LIN54: variants seen among roughly 807,000 people sequenced by gnomAD.
The protein encoded by LIN54 is protein lin-54 homolog.
A neutral mutation model predicts 78.7 loss-of-function variants in LIN54; 9 were observed. That is an observed-to-expected ratio of 0.11 (90% confidence interval 0.07 to 0.20). LIN54 has a LOEUF of 0.20. Ranked by LOEUF, LIN54 falls within the 10% of genes least tolerant of loss-of-function variation. The pLI is 1.00. For synonymous variants in LIN54, 269 were observed against 318.4 expected (o/e 0.84, Z 1.65); for missense variants, 573 against 889.9 (o/e 0.64, Z 4.53).
intron 1 of LIN54, among the ~76,000 whole-genome samples, chr4:82,985,145 T>C (rs188185689): frequency 6.6e-6 from 1 of 152,316 alleles, no homozygotes; most frequent in African/African-American, 2.4e-5. Context: ...CAGGCAACAC[T>C]AAGTCACATA....
At chr4:82,945,622 T>A (rs1306256021) in intron 5 of LIN54, among the ~76,000 whole-genome samples, 3 of 152,006 alleles carry the variant, frequency 2.0e-5, no homozygotes, top group Non-Finnish European at 4.4e-5. Flanking sequence ...GCCTCCCAAG[T>A]AGCTGGGACT....
At chr4:83,011,868 T>A (rs1259425074), upstream of LIN54, among the ~76,000 whole-genome samples, 1 of 147,692 alleles carries the variant, frequency 6.8e-6, no homozygotes, top group Admixed American at 6.7e-5. Context: ...GAGTTAACCA[T>A]CCAAAAGCTG....
intron 4 of LIN54, among the ~76,000 whole-genome samples, chr4:82,955,379 C>CATAACATAACATAAT (rs1724212457): frequency 6.8e-6 from 1 of 148,132 alleles, no homozygotes; most frequent in African/African-American, 2.6e-5. Flanking sequence ...AATAACATAA[C>CATAACATAACATAAT]ATAACATAAC....
At chr4:82,967,991 C>T (rs950380294) in intron 4 of LIN54, among the ~76,000 whole-genome samples, 2 of 151,946 alleles carry the variant, frequency 1.3e-5, no homozygotes, top group Non-Finnish European at 2.9e-5. Flanking sequence ...TTTGACTGTA[C>T]ATTTCACACC....
chr4:83,012,584 G>C (rs1197948377), upstream of LIN54, among the ~76,000 whole-genome samples: 1 of 152,046 alleles, frequency 6.6e-6, no homozygotes, highest in African/African-American at 2.4e-5. Context: ...CGAGCCCCAA[G>C]GATCCTTCGC....
chr4:83,010,796 G>GGCC lies in LIN54; in HGVS notation c.-348_-346dup, dbSNP rs943421255. The GGCC allele has an allele frequency of 2.1e-4, 254 of 1,234,112 alleles. No individual in the cohort carries two copies. Among genetic ancestry groups the GGCC allele is most frequent in the East Asian group, 1.5e-3 (47 of 31,748 alleles). 76.4% of individuals were successfully genotyped at this position (1,234,112 alleles called of 1,614,324 possible). On this transcript the variant is annotated 5_prime_UTR_variant, in exon 1 of 13. Coordinates refer to ENST00000340417, the MANE Select transcript of LIN54 (RefSeq NM_194282.4). ...CAGCTTCCCCGACAGCCGGAGCCCG[G>GGCC]GCCGCCGCCGCCGCCGCCACCACCA...
intron 12 of LIN54, among the ~76,000 whole-genome samples, chr4:82,929,528 G>T (rs1721769078): frequency 6.6e-6 from 1 of 152,116 alleles, no homozygotes; most frequent in Admixed American, 6.5e-5. Flanking sequence ...CTTAAGGCCA[G>T]GCATGGTAGC....
In LIN54 at chr4:83,001,858, A is replaced by AAGG. The variant is rs1166738923; in HGVS notation, c.-33+8625_-33+8626insCCT. On this transcript the variant is annotated intron_variant, in intron 1 of 12. Transcript: ENST00000340417. Reference sequence around the variant, plus strand: ...GCAAGACTCTGTCTCAAAAAAAAAAAAAGGATAGGAAGGAAGGAAGGAAGG... The same window carrying AAGG: ...GCAAGACTCTGTCTCAAAAAAAAAAAAGGAAGGATAGGAAGGAAGGAAGGAAGG... 2.5e-3 allele frequency among the ~76,000 whole-genome samples: 11 copies of AAGG among 4,388 alleles called. 3 individuals carry two copies. Among genetic ancestry groups the AAGG allele is most frequent in the South Asian group, 0.036 (1 of 28 alleles). 2.9% of individuals were successfully genotyped at this position (4,388 alleles called of 152,430 possible).
Position 82,959,875 on chromosome 4 carries a change from T to C in LIN54, c.951+10452A>G, listed in dbSNP as rs148265547. On this transcript the variant is annotated intron_variant, in intron 4 of 12. Transcript: ENST00000340417. The stretch of plus-strand genomic sequence containing the variant: ...TATTTTTAATTCCTTCTGAGTCTTA[T>C]ACCAAAAATTACATTATGTTCTACC... Among the ~76,000 whole-genome samples, 1,095 of 152,308 alleles carry C rather than the reference T, an allele frequency of 7.2e-3. 16 individuals are homozygous for C. Among genetic ancestry groups the C allele is most frequent in the Middle Eastern group, 0.01 (3 of 294 alleles).
chr4:82,940,855 A>G (rs896733675), intron 5 of LIN54, among the ~76,000 whole-genome samples: 10 of 152,210 alleles, frequency 6.6e-5, no homozygotes, highest in African/African-American at 2.4e-4. Context: ...CCTCATCTGC[A>G]ATATGGGGAA....
In LIN54 at chr4:82,946,451, G is replaced by A. The variant is rs1311763614; in HGVS notation, c.975C>T (p.Thr325=). Reference sequence around the variant, plus strand: ...ATGTGCTCACTCCTCCAACAGTGATGGTCTGCACAGTTGATTTCACTGCCT... The same window carrying A: ...ATGTGCTCACTCCTCCAACAGTGATAGTCTGCACAGTTGATTTCACTGCCT... ...PNKAVKSTVQ[T]ITVGGVSTSQ... is the part of the protein sequence containing the mutation. Residue 325 remains threonine, a synonymous_variant, in exon 5 of 13, where the codon ACC becomes ACT. Coordinates refer to ENST00000340417, the MANE Select transcript of LIN54 (RefSeq NM_194282.4). The A allele has an allele frequency of 6.2e-7, 1 of 1,613,688 alleles. No homozygotes were observed.
intron 11 of LIN54, 126 bp from the exon 12 acceptor site, chr4:82,931,271 T>C (rs933419580): frequency 5.6e-6 from 4 of 708,308 alleles, no homozygotes; most frequent in Non-Finnish European, 7.1e-6. Context: ...TAGATGGAAG[T>C]ATCTCTGGCT....
chr4:82,952,220 G>A (rs11938691), intron 4 of LIN54, among the ~76,000 whole-genome samples: 32,183 of 152,052 alleles, frequency 0.21, 3,556 homozygotes, highest in South Asian at 0.32. Context: ...TTAGCAAATC[G>A]TATATTGATA....
intron 4 of LIN54, among the ~76,000 whole-genome samples, chr4:82,950,372 C>A (rs916507124): frequency 1.3e-5 from 2 of 152,156 alleles, no homozygotes; most frequent in Non-Finnish European, 2.9e-5. Flanking sequence ...AACCACATTT[C>A]TTAGCATCTA....
At chr4:82,976,721 G>GCTGCATGGAAAAAGA (rs1726195174) in intron 3 of LIN54, among the ~76,000 whole-genome samples, 1 of 152,028 alleles carries the variant, frequency 6.6e-6, no homozygotes, top group Non-Finnish European at 1.5e-5. Flanking sequence ...AAAAAGACTA[G>GCTGCATGGAAAAAGA]CTGCATGGAA....
intron 1 of LIN54, among the ~76,000 whole-genome samples, chr4:83,001,490 C>T (rs371525943): frequency 3.9e-5 from 6 of 151,952 alleles, no homozygotes; most frequent in Non-Finnish European, 7.4e-5. Flanking sequence ...GTCAAGGATG[C>T]GGTGAGCTAT....
chr4:82,945,656 G>T (rs1024668892), intron 5 of LIN54, among the ~76,000 whole-genome samples: 2 of 151,984 alleles, frequency 1.3e-5, no homozygotes, highest in African/African-American at 4.8e-5. Context: ...ACCACACCCG[G>T]CTAATTTTTG....
intron 4 of LIN54, among the ~76,000 whole-genome samples, chr4:82,956,737 C>T (rs1159477083): frequency 6.6e-6 from 1 of 150,622 alleles, no homozygotes; most frequent in Non-Finnish European, 1.5e-5. Context: ...TTCATTTATT[C>T]TTTCTGCCTC....
chr4:82,971,087 T>C (rs919334374), intron 3 of LIN54, among the ~76,000 whole-genome samples: 1 of 152,188 alleles, frequency 6.6e-6, no homozygotes, highest in African/African-American at 2.4e-5. Flanking sequence ...CTTGGGGAAC[T>C]GAAAACCATA....
Sources: allele counts gnomAD v4.1 joint callset (sites outside exome capture counted in the v4.1 genomes callset), GRCh38; gene constraint gnomAD v4.1.1; transcripts MANE v1.5; gene names NCBI Gene and HGNC (gene_info 2026-07-23, HGNC 2026-07-21).